Variants in WDR72 observed in about 807,000 individuals in gnomAD.
The protein encoded by WDR72 is WD repeat domain 72.
A neutral mutation model predicts 124.2 loss-of-function variants in WDR72; 120 were observed. The ratio of observed to expected loss-of-function variants is 0.97; its 90% CI spans 0.83 to 1.12. WDR72 has a LOEUF of 1.12. WDR72 is among the 50% of genes most tolerant of loss of function. The probability of loss-of-function intolerance (pLI) is 0.00; values close to 1 mark genes in which losing one functional copy is unlikely to be tolerated. For synonymous variants in WDR72, 452 were observed against 441.7 expected (o/e 1.02, Z -0.29); for missense variants, 1,387 against 1,278.8 (o/e 1.08, Z -1.29).
At chr15:53,663,190 C>A (rs1006456965) in intron 14 of WDR72, among the ~76,000 whole-genome samples, 11 of 151,832 alleles carry the variant, frequency 7.2e-5, no homozygotes, top group Admixed American at 6.6e-4. Flanking sequence ...ATTGAAGATA[C>A]CCAGAACATA....
At chr15:53,681,301 C>T (rs74015879) in intron 13 of WDR72, among the ~76,000 whole-genome samples, 6 of 152,108 alleles carry the variant, frequency 3.9e-5, no homozygotes, top group African/African-American at 1.4e-4. Flanking sequence ...CAGATGGCTC[C>T]TTTGGGTTTA....
chr15:53,597,933 A>G (rs1322817860), intron 17 of WDR72, among the ~76,000 whole-genome samples: 1 of 152,124 alleles, frequency 6.6e-6, no homozygotes, highest in Non-Finnish European at 1.5e-5. Flanking sequence ...GGGTCATGAC[A>G]CCTCAAGCTT....
intron 18 of WDR72, among the ~76,000 whole-genome samples, chr15:53,527,491 G>A (rs1892192628): frequency 6.6e-6 from 1 of 152,002 alleles, no homozygotes; most frequent in Non-Finnish European, 1.5e-5. Context: ...ACTGCTGTTG[G>A]ACAGATGGAG....
At chr15:53,529,164 A>ATATATATATATATATATTTTTTTTTT (rs59003623) in intron 18 of WDR72, among the ~76,000 whole-genome samples, 2 of 78,166 alleles carry the variant, frequency 2.6e-5, no homozygotes, top group African/African-American at 1.0e-4. Flanking sequence ...ATATATATAT[A>ATATATATATATATATATTTTTTTTTT]TTTTTTTTTT....
At chr15:53,705,264 T>G (rs776313269) in intron 10 of WDR72, 31 bp from the exon 11 acceptor site, 1 of 1,607,706 alleles carries the variant, frequency 6.2e-7, no homozygotes, top group South Asian at 1.1e-5. Flanking sequence ...AAAAGAAAAT[T>G]TGGTTTATCA....
chr15:53,557,323 G>GA (rs1361430081), intron 18 of WDR72, among the ~76,000 whole-genome samples: 1 of 152,108 alleles, frequency 6.6e-6, no homozygotes, highest in South Asian at 2.1e-4. Context: ...TTATCTTGGA[G>GA]AAAAAAACTG....
At chr15:53,669,391 G>C (rs1362498882) in intron 13 of WDR72, among the ~76,000 whole-genome samples, 1 of 152,188 alleles carries the variant, frequency 6.6e-6, no homozygotes, top group Non-Finnish European at 1.5e-5. Flanking sequence ...GGGTGGAGGG[G>C]GGTCTTTCTT....
chr15:53,631,028 T>C (rs12442962), intron 14 of WDR72, among the ~76,000 whole-genome samples: 36,277 of 152,124 alleles, frequency 0.24, 4,795 homozygotes, highest in East Asian at 0.46. Flanking sequence ...GTACACAATA[T>C]CAATATAGAA....
intron 13 of WDR72, among the ~76,000 whole-genome samples, chr15:53,667,651 C>G (rs544721316): frequency 4.6e-5 from 7 of 152,220 alleles, no homozygotes; most frequent in Non-Finnish European, 1.0e-4. Flanking sequence ...AATTCACTGT[C>G]TTTCTGAGAA....
At chr15:53,750,719 C>T (rs769571663) in intron 1 of WDR72, among the ~76,000 whole-genome samples, 4 of 152,236 alleles carry the variant, frequency 2.6e-5, no homozygotes, top group Admixed American at 6.5e-5. Context: ...TCAACATTAA[C>T]GGGAGTTGAG....
intron 14 of WDR72, among the ~76,000 whole-genome samples, chr15:53,664,509 A>C (rs1013791046): frequency 6.6e-6 from 1 of 152,102 alleles, no homozygotes; most frequent in Non-Finnish European, 1.5e-5. Context: ...TGATGATGAC[A>C]CATTATTTTG....
At chr15:53,580,571 A>G (rs1393065221) in intron 18 of WDR72, among the ~76,000 whole-genome samples, 3 of 152,044 alleles carry the variant, frequency 2.0e-5, no homozygotes, top group Non-Finnish European at 4.4e-5. Context: ...CTAGCTTGGT[A>G]GGCACTGGGC....
chr15:53,598,285 G>A (rs1380704409), intron 17 of WDR72, among the ~76,000 whole-genome samples: 1 of 150,434 alleles, frequency 6.6e-6, no homozygotes, highest in Non-Finnish European at 1.5e-5. Flanking sequence ...ACATCCCAGT[G>A]CCATAGCATA....
intron 13 of WDR72, among the ~76,000 whole-genome samples, chr15:53,671,795 G>A (rs1046442468): frequency 1.3e-5 from 2 of 152,160 alleles, no homozygotes; most frequent in Non-Finnish European, 2.9e-5. Flanking sequence ...TGAATGTGAC[G>A]TGTTGTCTTG....
chr15:53,751,226 T>C (rs1176740581), intron 1 of WDR72, among the ~76,000 whole-genome samples: 3 of 150,368 alleles, frequency 2.0e-5, no homozygotes, highest in Non-Finnish European at 4.4e-5. Flanking sequence ...CTGGGCAACA[T>C]AGTGAGACTA....
chr15:53,677,328 T>C (rs1280409378), intron 13 of WDR72, among the ~76,000 whole-genome samples: 1 of 152,220 alleles, frequency 6.6e-6, no homozygotes, highest in African/African-American at 2.4e-5. Flanking sequence ...TCCTTCCCCT[T>C]TCTTACACCC....
At chr15:53,638,618 C>T (rs1158850248) in intron 14 of WDR72, among the ~76,000 whole-genome samples, 15 of 146,052 alleles carry the variant, frequency 1.0e-4, no homozygotes, top group African/African-American at 1.6e-4. Context: ...ACTGGCCTTG[C>T]ACCAAATTAC....
At chr15:53,585,745 A>G (rs899666795) in intron 18 of WDR72, among the ~76,000 whole-genome samples, 6 of 151,998 alleles carry the variant, frequency 3.9e-5, no homozygotes, top group South Asian at 2.1e-4. Flanking sequence ...AGGCCCTGGT[A>G]TCACCATCAT....
chr15:53,720,454 T>C (rs905943791), intron 3 of WDR72, among the ~76,000 whole-genome samples: 5 of 152,226 alleles, frequency 3.3e-5, no homozygotes, highest in African/African-American at 1.2e-4. Context: ...CCTTCTGAAA[T>C]CATTGTTCTT....
Sources: allele counts gnomAD v4.1 joint callset (sites outside exome capture counted in the v4.1 genomes callset), GRCh38; gene constraint gnomAD v4.1.1; transcripts MANE v1.5; gene names NCBI Gene and HGNC (gene_info 2026-07-23, HGNC 2026-07-21).